COL11A1: variants seen among roughly 807,000 people sequenced by gnomAD.
The protein encoded by COL11A1 is collagen alpha-1(XI) chain.
COL11A1 carries 74 observed loss-of-function variants against 265.2 expected under a neutral mutation model. The ratio of observed to expected loss-of-function variants is 0.28; its 90% CI spans 0.23 to 0.34. COL11A1 has a LOEUF of 0.34. Ranked by LOEUF, COL11A1 falls within the 10% of genes least tolerant of loss-of-function variation. COL11A1 has a pLI of 1.00. For missense variants in COL11A1, 2,165 were observed against 2,263.6 expected (o/e 0.96, Z 0.88); for synonymous variants, 816 against 727.6 (o/e 1.12, Z -1.96).
At chr1:103,006,526 A>ATTTTTTTTTTTTTTTTTTT (rs4013849) in intron 15 of COL11A1, among the ~76,000 whole-genome samples, 4 of 82,886 alleles carry the variant, frequency 4.8e-5, no homozygotes, top group African/African-American at 4.8e-5. Context: ...AAATGGCTCC[A>ATTTTTTTTTTTTTTTTTTT]TTTTTTTTTT....
At chr1:102,956,756 G>C (rs1473935603) in intron 41 of COL11A1, among the ~76,000 whole-genome samples, 1 of 151,654 alleles carries the variant, frequency 6.6e-6, no homozygotes, top group Non-Finnish European at 1.5e-5. Context: ...TTGATAGTAA[G>C]TTGTGTTCAA....
chr1:102,880,256 T>C (rs1650063291), intron 65 of COL11A1, among the ~76,000 whole-genome samples: 1 of 152,092 alleles, frequency 6.6e-6, no homozygotes, highest in Non-Finnish European at 1.5e-5. Context: ...GAAAAAAAAA[T>C]TGGTAAAATA....
intron 36 of COL11A1, 66 bp from the exon 37 acceptor site, chr1:102,970,338 C>T: frequency 2.3e-6 from 3 of 1,292,770 alleles, no homozygotes; most frequent in East Asian, 2.5e-5. Flanking sequence ...CTAAATGTGA[C>T]ATGTTAGAAA....
At position 102,970,239 on chromosome 1, in the gene COL11A1, G is replaced by A. The variant is rs781579110; in HGVS notation, c.2842C>T (p.Pro948Ser). 3.1e-6 allele frequency: 5 copies of A among 1,611,870 alleles called. No individual in the cohort carries two copies. In the East Asian group the frequency reaches 8.9e-5, roughly 29 times the overall value. ...CTTACAGTCTCCCCACGTTGCCCAG[G>A]GTGTCCTGGCAGCCCATCCTTCCCA... The part of the protein sequence containing the change: ...PPGKDGLPGH[P>S]GQRGETGFQG... The change falls in exon 37 of 67, where the codon CCT (proline) becomes TCT (serine). Residue 948 changes from proline (P) to serine (S), a missense_variant. Transcript: ENST00000370096.
chr1:102,962,731 C>T lies in COL11A1; in HGVS notation c.2946G>A (p.Gly982=). The change falls in exon 39 of 67, where the codon GGG becomes GGA. Residue 982 remains glycine, a synonymous_variant. Coordinates refer to ENST00000370096, the MANE Select transcript of COL11A1 (RefSeq NM_001854.4). ...QGPTGETGPI[G]ERGHPGPPGP... ...CAGGAGGGCCAGGATGCCCACGTTC[C>T]CCTATTGGACCAGTCTCACCGGTTG... 6.2e-7 allele frequency: 1 copy of T among 1,614,098 alleles called. No homozygotes were observed. The highest frequency in any genetic ancestry group is 8.5e-7 in the Non-Finnish European group (1 of 1,179,996).
intron 24 of COL11A1, among the ~76,000 whole-genome samples, chr1:102,999,356 G>T (rs981726807): frequency 6.6e-6 from 1 of 151,908 alleles, no homozygotes; most frequent in Non-Finnish European, 1.5e-5. Context: ...TGGCAGCGTT[G>T]CAATCTGGAT....
intron 3 of COL11A1, 81 bp from the exon 4 acceptor site, chr1:103,074,861 A>T: frequency 6.8e-7 from 1 of 1,477,610 alleles, no homozygotes; most frequent in Non-Finnish European, 9.4e-7. Context: ...AATGCTGTGT[A>T]TTTTAAATTA....
At chr1:102,968,978 G>A (rs1448751605) in intron 37 of COL11A1, among the ~76,000 whole-genome samples, 1 of 152,096 alleles carries the variant, frequency 6.6e-6, no homozygotes, top group Non-Finnish European at 1.5e-5. Context: ...GTTATACAAT[G>A]ACTTCATTAA....
At chr1:102,912,234 C>T in intron 53 of COL11A1, 22 bp from the exon 54 acceptor site, 2 of 1,593,492 alleles carry the variant, frequency 1.3e-6, no homozygotes, top group African/African-American at 1.3e-5. Context: ...GAAAAAATAC[C>T]TTTAACAAAA....
intron 50 of COL11A1, 86 bp downstream of exon 50, chr1:102,915,545 A>C (rs1032113275): frequency 1.2e-4 from 136 of 1,154,536 alleles, no homozygotes; most frequent in Middle Eastern, 1.9e-4. Flanking sequence ...TTCGAACCAC[A>C]GCTAAGAGTT....
At position 103,037,170 on chromosome 1, in the gene COL11A1, A is replaced by G. The variant is rs192524458; in HGVS notation, c.652-5926T>C. On this transcript the variant is annotated intron_variant, in intron 4 of 66. Coordinates refer to ENST00000370096, the MANE Select transcript of COL11A1 (RefSeq NM_001854.4). ...TATATATATATATAAAGTCTATATA[A>G]GGCATAGCTGTTTCAATTTTCTGTG... 1.6e-4 allele frequency among the ~76,000 whole-genome samples: 24 copies of G among 149,950 alleles called. No homozygotes were observed. In the Admixed American group the frequency reaches 1.6e-3, roughly 10 times the overall value.
chr1:102,910,356 AATTT>A (rs1178066873), intron 54 of COL11A1, among the ~76,000 whole-genome samples: 1 of 152,016 alleles, frequency 6.6e-6, no homozygotes, highest in Non-Finnish European at 1.5e-5. Flanking sequence ...TAATTACTTA[AATTT>A]ATTAAAAAAT....
At chr1:103,001,361 A>G (rs2622874) in intron 24 of COL11A1, 1 of 395,992 alleles carries the variant, frequency 2.5e-6, no homozygotes, top group South Asian at 1.4e-4. Flanking sequence ...AAAGAGCCAG[A>G]TAGAAATGTG....
rs1274409433 is a variant in COL11A1 at position 102,914,274 on chromosome 1, T to A, written c.3978+78A>T. 11 of 1,154,606 alleles carry A rather than the reference T, an allele frequency of 9.5e-6. No individual in the cohort carries two copies. The East Asian group carries it at 2.2e-4, about 23-fold the overall frequency. 71.5% of individuals were successfully genotyped at this position (1,154,606 alleles called of 1,614,324 possible). ...TGGGAGTTCACTTAGGTTATTAGAT[T>A]TTTTTTTCTTTATTAACAATACAGA... On this transcript the variant is annotated intron_variant, in intron 52 of 66. Coordinates refer to ENST00000370096, the MANE Select transcript of COL11A1 (RefSeq NM_001854.4).
intron 37 of COL11A1, among the ~76,000 whole-genome samples, chr1:102,966,581 T>G (rs1422168157): frequency 6.6e-6 from 1 of 152,206 alleles, no homozygotes; most frequent in African/African-American, 2.4e-5. Flanking sequence ...TCATTATGAA[T>G]AGCAAAAGCA....
chr1:103,007,766 A>G (rs1224547601), intron 15 of COL11A1, among the ~76,000 whole-genome samples: 1 of 150,184 alleles, frequency 6.7e-6, no homozygotes, highest in East Asian at 2.0e-4. Context: ...AGGCTAAAGT[A>G]GGAGGATCCT....
At chr1:103,005,916 CAT>C in intron 17 of COL11A1, 25 bp from the exon 18 acceptor site, 2 of 1,613,886 alleles carry the variant, frequency 1.2e-6, no homozygotes, top group South Asian at 1.1e-5. Flanking sequence ...TCATCATCAT[CAT>C]CATCATCATC....
At chr1:103,059,873 G>T (rs1670528653) in intron 4 of COL11A1, among the ~76,000 whole-genome samples, 1 of 151,948 alleles carries the variant, frequency 6.6e-6, no homozygotes, top group Non-Finnish European at 1.5e-5. Context: ...ATATCTAAAA[G>T]CTTTGGGACA....
chr1:102,936,361 A>C (rs958849654), intron 44 of COL11A1, among the ~76,000 whole-genome samples: 28 of 151,214 alleles, frequency 1.9e-4, no homozygotes, highest in Non-Finnish European at 3.6e-4. Context: ...CTGACAGAAA[A>C]ACTATGATTT....
Sources: gnomAD v4.1 joint callset for allele counts (sites outside exome capture counted in the v4.1 genomes callset) on GRCh38, gnomAD v4.1.1 for gene constraint, MANE v1.5 for transcripts, NCBI Gene and HGNC (gene_info 2026-07-23, HGNC 2026-07-21) for gene names.